Variants in SNX18 observed in about 807,000 individuals in gnomAD.
The protein encoded by SNX18 is sorting nexin 18, also known as sorting nexin-18.
SNX18 carries 35 observed loss-of-function variants against 48.7 expected under a neutral mutation model. The ratio of observed to expected loss-of-function variants is 0.72; its 90% CI spans 0.55 to 0.95. SNX18 has a LOEUF of 0.95. SNX18 is among the 40% of genes least tolerant of loss of function. The pLI is 0.00. For synonymous variants in SNX18, 492 were observed against 384.7 expected, an observed-to-expected ratio of 1.28 and a Z score of -3.26; for missense variants, 824 against 871.0, an observed-to-expected ratio of 0.95 and a Z score of 0.68.
the SNX18 span, among the ~76,000 whole-genome samples, chr5:54,592,181 C>A: frequency 6.6e-6 from 1 of 152,176 alleles, no homozygotes; most frequent in Non-Finnish European, 1.5e-5. Context: ...TATACCCTCG[C>A]CTCCCACTTC....
chr5:54,646,324 C>T, the SNX18 span, among the ~76,000 whole-genome samples: 1 of 152,120 alleles, frequency 6.6e-6, no homozygotes, highest in Non-Finnish European at 1.5e-5. Context: ...GGCTGATTTC[C>T]TCTTCTTTGA....
At chr5:54,550,725 C>T (rs1399198933), downstream of SNX18, among the ~76,000 whole-genome samples, 1 of 152,166 alleles carries the variant, frequency 6.6e-6, no homozygotes, top group Admixed American at 6.5e-5. Flanking sequence ...CCTGGGATTA[C>T]GGGTGCCCGC....
downstream of SNX18, among the ~76,000 whole-genome samples, chr5:54,550,903 G>C (rs1762646325): frequency 6.7e-6 from 1 of 149,440 alleles, no homozygotes; most frequent in Non-Finnish European, 1.5e-5. Flanking sequence ...GATTATTTAT[G>C]AAAGTAAATG....
At chr5:54,547,014 TG>T (rs1762586528), downstream of SNX18, among the ~76,000 whole-genome samples, 1 of 152,268 alleles carries the variant, frequency 6.6e-6, no homozygotes, top group Non-Finnish European at 1.5e-5. Flanking sequence ...AAGTCCCATT[TG>T]GCAAAGCTTG....
the SNX18 span, among the ~76,000 whole-genome samples, chr5:54,632,026 A>C: frequency 6.6e-6 from 1 of 152,216 alleles, no homozygotes; most frequent in African/African-American, 2.4e-5. Flanking sequence ...GGAGTTCATC[A>C]GAGATTTCAA....
At chr5:54,520,915 A>G in intron 1 of SNX18, 1 of 167,058 alleles carries the variant, frequency 6.0e-6, no homozygotes, top group Non-Finnish European at 1.5e-5. Flanking sequence ...TTTCTTGGCA[A>G]TTTGCGATTT....
At chr5:54,567,663 C>T in the SNX18 span, among the ~76,000 whole-genome samples, 41 of 152,354 alleles carry the variant, frequency 2.7e-4, no homozygotes, top group African/African-American at 9.4e-4. Context: ...AAGTCATTAA[C>T]TTGAAGCACC....
chr5:54,620,622 G>T, the SNX18 span, among the ~76,000 whole-genome samples: 1 of 152,214 alleles, frequency 6.6e-6, no homozygotes, highest in African/African-American at 2.4e-5. Context: ...GAACAGAGGC[G>T]TTGCCGTGGA....
the SNX18 span, among the ~76,000 whole-genome samples, chr5:54,601,529 G>A: frequency 6.6e-6 from 1 of 152,140 alleles, no homozygotes; most frequent in Non-Finnish European, 1.5e-5. Flanking sequence ...GAAACTACGT[G>A]AGGCCTGAGG....
At chr5:54,637,827 G>T in the SNX18 span, among the ~76,000 whole-genome samples, 1 of 152,210 alleles carries the variant, frequency 6.6e-6, no homozygotes, top group Non-Finnish European at 1.5e-5. Context: ...CTTGCAAACG[G>T]CTTCTCTTTC....
chr5:54,575,346 C>T, the SNX18 span, among the ~76,000 whole-genome samples: 1 of 146,084 alleles, frequency 6.8e-6, no homozygotes, highest in Non-Finnish European at 1.5e-5. Context: ...AGTTGAGAAA[C>T]AACAGATGTG....
chr5:54,566,586 G>A, the SNX18 span, among the ~76,000 whole-genome samples: 3 of 152,176 alleles, frequency 2.0e-5, no homozygotes, highest in Non-Finnish European at 2.9e-5. Flanking sequence ...TCTTCTTCAT[G>A]TAGCTTCAGG....
the SNX18 span, among the ~76,000 whole-genome samples, chr5:54,606,475 T>C: frequency 3.3e-5 from 5 of 152,278 alleles, no homozygotes; most frequent in African/African-American, 7.2e-5. Flanking sequence ...TGGTTGGCCA[T>C]TGGATTGTTG....
chr5:54,576,066 G>A, the SNX18 span, among the ~76,000 whole-genome samples: 1 of 152,120 alleles, frequency 6.6e-6, no homozygotes, highest in Non-Finnish European at 1.5e-5. Context: ...TCTTATGTCA[G>A]TTTATTAGAT....
the SNX18 span, among the ~76,000 whole-genome samples, chr5:54,581,071 G>A: frequency 2.6e-5 from 4 of 152,118 alleles, no homozygotes; most frequent in African/African-American, 7.2e-5. Flanking sequence ...ACCCCTGGTC[G>A]CAAGGAAGCA....
At chr5:54,646,924 C>T in the SNX18 span, among the ~76,000 whole-genome samples, 1 of 152,168 alleles carries the variant, frequency 6.6e-6, no homozygotes, top group Non-Finnish European at 1.5e-5. Context: ...CTGCCTTTCT[C>T]CAAGAGAGCT....
chr5:54,563,113 T>TA, the SNX18 span, among the ~76,000 whole-genome samples: 2 of 152,154 alleles, frequency 1.3e-5, no homozygotes, highest in Non-Finnish European at 2.9e-5. Flanking sequence ...TTCAAAAAGC[T>TA]AAAAAAAGTT....
downstream of SNX18, among the ~76,000 whole-genome samples, chr5:54,547,223 A>G (rs879332858): frequency 6.6e-6 from 1 of 152,212 alleles, no homozygotes; most frequent in Non-Finnish European, 1.5e-5. Context: ...AGGCTGTGAG[A>G]AGGAGAGCTA....
At chr5:54,559,481 C>G in the SNX18 span, among the ~76,000 whole-genome samples, 1 of 152,208 alleles carries the variant, frequency 6.6e-6, no homozygotes, top group East Asian at 1.9e-4. Flanking sequence ...GGAAAAGACT[C>G]CCTATTCAAT....
Sources: allele counts gnomAD v4.1 joint callset (sites outside exome capture counted in the v4.1 genomes callset), GRCh38; gene constraint gnomAD v4.1.1; transcripts MANE v1.5; gene names NCBI Gene and HGNC (gene_info 2026-07-23, HGNC 2026-07-21).